The following USP6NL variants were observed in gnomAD, a reference collection of about 807,000 sequenced individuals.
The protein encoded by USP6NL is USP6 N-terminal-like protein.
A neutral mutation model predicts 61.9 loss-of-function variants in USP6NL; 26 were observed. The observed-to-expected ratio is 0.42, with a 90% confidence interval of 0.31 to 0.58. The LOEUF is 0.58. Among genes scored for constraint, USP6NL ranks in the 20% least tolerant of loss-of-function variants. The probability of loss-of-function intolerance (pLI) is 0.16; values close to 1 mark genes in which losing one functional copy is unlikely to be tolerated. For synonymous variants in USP6NL, 432 were observed against 390.1 expected, an observed-to-expected ratio of 1.11 and a Z score of -1.27; for missense variants, 1,114 against 1,034.3, an observed-to-expected ratio of 1.08 and a Z score of -1.06.
chr10:11,562,943 A>G lies in USP6NL; in HGVS notation c.4+34688T>C. 1 of 216,730 alleles carries G rather than the reference A, an allele frequency of 4.6e-6. No individual in the cohort carries two copies. Among genetic ancestry groups the G allele is most frequent in the Non-Finnish European group, 7.9e-6 (1 of 127,114 alleles). The allele number at this position is 216,730 out of a possible 1,614,324, so 13.4% of individuals were successfully genotyped here. On this transcript the variant is annotated intron_variant, in intron 2 of 14. Coordinates refer to ENST00000609104, the MANE Select transcript of USP6NL (RefSeq NM_014688.5). This position sits in a 1 kb window ranked among gnomAD's most constrained non-coding sequence, Gnocchi z 4.8. ...CCCACAGAAATAAAAATTTATATTT[A>G]TGTCGACACAAAAATCTGAATGTTC...
chr10:11,552,038 G>A (rs1417772790), intron 2 of USP6NL, among the ~76,000 whole-genome samples: 1 of 152,064 alleles, frequency 6.6e-6, no homozygotes, highest in Non-Finnish European at 1.5e-5. Flanking sequence ...TTATTAACAA[G>A]GAAGTCTGTT....
chr10:11,594,610 T>C (rs956583233), intron 2 of USP6NL, among the ~76,000 whole-genome samples: 1 of 152,188 alleles, frequency 6.6e-6, no homozygotes, highest in African/African-American at 2.4e-5. Context: ...GCAACACCTA[T>C]GTGGAGTCAG....
intron 2 of USP6NL, among the ~76,000 whole-genome samples, chr10:11,558,754 A>T (rs1385149614): frequency 6.6e-6 from 1 of 152,254 alleles, no homozygotes; most frequent in Non-Finnish European, 1.5e-5. Flanking sequence ...CTGAAATTAC[A>T]TATAAATATC....
intron 6 of USP6NL, among the ~76,000 whole-genome samples, chr10:11,502,371 T>TA: frequency 6.6e-6 from 1 of 152,300 alleles, no homozygotes; most frequent in Non-Finnish European, 1.5e-5. Flanking sequence ...TTCTTGTAAT[T>TA]AATTTTTTCC....
rs1017143488 is a variant in USP6NL, at chr10:11,561,726, T to C, written c.5-34159A>G. On this transcript the variant is annotated intron_variant, in intron 2 of 14. Transcript: ENST00000609104. This position sits in a 1 kb window ranked among gnomAD's most constrained non-coding sequence, Gnocchi z 4.1. Reference sequence around the variant, plus strand: ...CGCAGATGCAGAAATGGTATTTCTATAGAATACTGACTTGCAGACTAGAAT... The same window carrying C: ...CGCAGATGCAGAAATGGTATTTCTACAGAATACTGACTTGCAGACTAGAAT... 2.0e-5 allele frequency among the ~76,000 whole-genome samples: 3 copies of C among 152,240 alleles called. No individual in the cohort carries two copies. Among genetic ancestry groups the C allele is most frequent in the South Asian group, 2.1e-4 (1 of 4,834 alleles).
chr10:11,508,544 A>G (rs1834555983), intron 6 of USP6NL, among the ~76,000 whole-genome samples: 1 of 152,266 alleles, frequency 6.6e-6, no homozygotes, highest in African/African-American at 2.4e-5. Context: ...AGGCAGCAGT[A>G]GTGCTGTACT....
intron 4 of USP6NL, among the ~76,000 whole-genome samples, chr10:11,519,388 G>C (rs1251665557): frequency 1.3e-5 from 2 of 152,230 alleles, no homozygotes; most frequent in African/African-American, 4.8e-5. Context: ...CCAACACTTT[G>C]GGAGGCTGAG....
intron 2 of USP6NL, among the ~76,000 whole-genome samples, chr10:11,567,395 C>T (rs1258629240): frequency 3.9e-5 from 6 of 152,134 alleles, no homozygotes; most frequent in Admixed American, 2.6e-4. Flanking sequence ...TTCTTTAAAA[C>T]ATTATTAAAT....
intron 7 of USP6NL, among the ~76,000 whole-genome samples, chr10:11,498,430 G>A (rs1285725134): frequency 6.6e-6 from 1 of 151,544 alleles, no homozygotes; most frequent in East Asian, 1.9e-4. Flanking sequence ...CATATTAGAT[G>A]GGAGCAGCCA....
At position 11,463,726 on chromosome 10, in the gene USP6NL, C is replaced by A. The variant is rs1298766692; in HGVS notation, c.1202G>T (p.Gly401Val). ...GTGGGGCGCCCCGCTCTCCCTCCTG[C>A]CGCTGGCCAGCGGGCTCGGCCGGCC... ...SVGRPSPLAS[G>V]RRESGAPHRR... Residue 401 changes from glycine (G) to valine (V), a missense_variant, in exon 15 of 15, where the codon GGC becomes GTC. By Grantham distance (109) the Gly-to-Val change is moderately radical. Transcript: ENST00000609104. The surrounding 1 kb of genome is among the most constrained non-coding windows in gnomAD (Gnocchi z 6.3). 2 of 1,608,738 alleles carry A rather than the reference C, an allele frequency of 1.2e-6. No homozygotes were observed. The highest frequency in any genetic ancestry group is 1.7e-5 in the Admixed American group (1 of 59,520).
At position 11,482,891 on chromosome 10, in the gene USP6NL, T is replaced by A. The variant is rs1205184798; in HGVS notation, c.926-969A>T. The stretch of plus-strand genomic sequence containing the variant: ...ATTGGCTAATGACAAATTGTATATA[T>A]CTGTGGTAGACAATGTTTTGATATA... On this transcript the variant is annotated intron_variant, in intron 13 of 14. Coordinates refer to ENST00000609104, the MANE Select transcript of USP6NL (RefSeq NM_014688.5). The surrounding 1 kb of genome is among the most constrained non-coding windows in gnomAD (Gnocchi z 4.0). Among the ~76,000 whole-genome samples the A allele has an allele frequency of 1.3e-5, 2 of 152,188 alleles. No individual in the cohort carries two copies. The highest frequency in any genetic ancestry group is 4.8e-5 in the African/African-American group (2 of 41,432).
At chr10:11,506,734 ATT>A (rs61090708) in intron 6 of USP6NL, among the ~76,000 whole-genome samples, 34,359 of 146,736 alleles carry the variant, frequency 0.23, 4,471 homozygotes, top group East Asian at 0.59. Flanking sequence ...CCTTAACAGA[ATT>A]TTTTTTTTTT....
intron 1 of USP6NL, among the ~76,000 whole-genome samples, chr10:11,603,495 ACAT>A (rs1244371926): frequency 6.6e-6 from 1 of 152,242 alleles, no homozygotes; most frequent in Non-Finnish European, 1.5e-5. Context: ...CAGGAGTCCG[ACAT>A]CATTTTAAAA....
intron 8 of USP6NL, among the ~76,000 whole-genome samples, chr10:11,492,669 G>C (rs931053321): frequency 6.6e-6 from 1 of 152,204 alleles, no homozygotes; most frequent in Admixed American, 6.5e-5. Context: ...GACTGATACA[G>C]AGATCAGCAA....
At chr10:11,593,025 T>C (rs1401944593) in intron 2 of USP6NL, among the ~76,000 whole-genome samples, 1 of 152,196 alleles carries the variant, frequency 6.6e-6, no homozygotes, top group Non-Finnish European at 1.5e-5. Context: ...ATGAGAAACA[T>C]TTCATATCGA....
At chr10:11,582,774 A>G (rs546680595) in intron 2 of USP6NL, among the ~76,000 whole-genome samples, 4 of 152,234 alleles carry the variant, frequency 2.6e-5, no homozygotes, top group East Asian at 3.9e-4. Flanking sequence ...CTCAGTGGAC[A>G]CTATCATAAA....
Position 11,485,778 on chromosome 10 carries a change from G to T in USP6NL, c.759+39C>A. ...TAATTATCCCAGCTTTTTTTGGGGG[G>T]TGGGTAGGTGGGTGTAAGTCAGTGG... On this transcript the variant is annotated intron_variant, in intron 11 of 14. Transcript: ENST00000609104. This position sits in a 1 kb window ranked among gnomAD's most constrained non-coding sequence, Gnocchi z 4.8. The T allele has an allele frequency of 7.5e-7, 1 of 1,333,460 alleles. No individual in the cohort carries two copies. The highest frequency in any genetic ancestry group is 1.0e-6 in the Non-Finnish European group (1 of 972,810). The allele number at this position is 1,333,460 out of a possible 1,614,324, so 82.6% of individuals were successfully genotyped here. A position where few individuals can be genotyped will look rare whatever the true frequency, so the allele number is the denominator to read the frequency against.
At chr10:11,588,257 G>A (rs1838042842) in intron 2 of USP6NL, among the ~76,000 whole-genome samples, 1 of 152,228 alleles carries the variant, frequency 6.6e-6, no homozygotes, top group Non-Finnish European at 1.5e-5. Flanking sequence ...GCTGAATCCT[G>A]TACTGGAGGA....
chr10:11,601,153 A>T (rs1838514283), intron 1 of USP6NL, among the ~76,000 whole-genome samples: 2 of 152,234 alleles, frequency 1.3e-5, no homozygotes, highest in Admixed American at 6.5e-5. Flanking sequence ...TATATAATCA[A>T]GTACTATGAA....
Sources: allele counts gnomAD v4.1 joint callset (sites outside exome capture counted in the v4.1 genomes callset), GRCh38; gene constraint gnomAD v4.1.1; non-coding constraint Gnocchi (gnomAD v3.1); transcripts MANE v1.5; gene names NCBI Gene and HGNC (gene_info 2026-07-23, HGNC 2026-07-21).